NARS2: variants seen among roughly 807,000 people sequenced by gnomAD.
NARS2 encodes the protein asparaginyl-tRNA synthetase 2, mitochondrial.
NARS2 carries 60 observed loss-of-function variants against 62.9 expected under a neutral mutation model. The observed-to-expected ratio is 0.95, with a 90% CI of 0.77 to 1.18. The LOEUF is 1.18. Among genes scored for constraint, NARS2 ranks in the 50% most tolerant of loss-of-function variants. NARS2 has a pLI of 0.00. For synonymous variants in NARS2, 196 were observed against 200.0 expected, an observed-to-expected ratio of 0.98 and a Z score of 0.17; for missense variants, 619 against 576.4, an observed-to-expected ratio of 1.07 and a Z score of -0.76.
chr11:78,552,401 C>G (rs1016230908), intron 5 of NARS2, among the ~76,000 whole-genome samples: 1 of 152,090 alleles, frequency 6.6e-6, no homozygotes, highest in Admixed American at 6.5e-5. Flanking sequence ...CACTGATGGG[C>G]ACTTAGGTTG....
intron 9 of NARS2, among the ~76,000 whole-genome samples, chr11:78,478,123 G>A (rs1859183600): frequency 6.6e-6 from 1 of 152,040 alleles, no homozygotes; most frequent in African/African-American, 2.4e-5. Context: ...AAATTTTGAT[G>A]ACTAAAGTTA....
chr11:78,509,400 T>G (rs1452621454), intron 6 of NARS2, among the ~76,000 whole-genome samples: 1 of 152,036 alleles, frequency 6.6e-6, no homozygotes, highest in Non-Finnish European at 1.5e-5. Context: ...GAAATAAAGA[T>G]CTTAATCAAA....
chr11:78,499,465 G>T (rs915299776), intron 6 of NARS2, among the ~76,000 whole-genome samples: 1 of 152,082 alleles, frequency 6.6e-6, no homozygotes. Flanking sequence ...AGTGGGATGG[G>T]ATTAAGGGTA....
intron 11 of NARS2, among the ~76,000 whole-genome samples, chr11:78,460,896 T>C (rs916536697): frequency 6.6e-6 from 1 of 152,238 alleles, no homozygotes; most frequent in African/African-American, 2.4e-5. Flanking sequence ...GTAACTAACA[T>C]GTACAGATTT....
intron 7 of NARS2, among the ~76,000 whole-genome samples, chr11:78,485,914 G>A (rs562256500): frequency 7.2e-5 from 11 of 152,148 alleles, no homozygotes; most frequent in African/African-American, 2.4e-4. Context: ...TGCTCTTGTC[G>A]CCCAGGCTGG....
chr11:78,536,284 G>A (rs773038505), intron 5 of NARS2, among the ~76,000 whole-genome samples: 3 of 152,092 alleles, frequency 2.0e-5, no homozygotes, highest in Non-Finnish European at 4.4e-5. Flanking sequence ...CATTACTTTA[G>A]AGTGTACTCC....
At chr11:78,574,025 A>T in intron 1 of NARS2, among the ~76,000 whole-genome samples, 1 of 152,360 alleles carries the variant, frequency 6.6e-6, no homozygotes, top group South Asian at 2.1e-4. Flanking sequence ...AGGTCAAGAC[A>T]ACCACTTTAT....
chr11:78,525,332 AT>A (rs1261432240), intron 6 of NARS2, among the ~76,000 whole-genome samples: 1 of 152,154 alleles, frequency 6.6e-6, no homozygotes, highest in Non-Finnish European at 1.5e-5. Flanking sequence ...TATAAAAAAA[AT>A]AAAAACAAAT....
chr11:78,555,910 T>C (rs1232888177), intron 5 of NARS2, among the ~76,000 whole-genome samples: 3 of 152,222 alleles, frequency 2.0e-5, no homozygotes, highest in African/African-American at 7.2e-5. Flanking sequence ...AAAAAACTTT[T>C]TGATGTCTGT....
At chr11:78,484,694 A>T (rs978387440) in intron 7 of NARS2, among the ~76,000 whole-genome samples, 2 of 152,252 alleles carry the variant, frequency 1.3e-5, no homozygotes, top group African/African-American at 4.8e-5. Context: ...ATACCATCTT[A>T]TATCAGTTAG....
At position 78,443,687 on chromosome 11, in the gene NARS2, G is replaced by C. The variant is rs368911815; in HGVS notation, c.1236C>G (p.Tyr412Ter). 1.7e-5 allele frequency: 28 copies of C among 1,612,918 alleles called. No individual in the cohort carries two copies. The highest frequency in any genetic ancestry group is 2.4e-5 in the Non-Finnish European group (28 of 1,179,222). Residue 412 changes from tyrosine (Y) to a stop codon, truncating the protein, a stop_gained, in exon 12 of 14, where the codon TAC becomes TAG. Coordinates refer to ENST00000281038, the MANE Select transcript of NARS2 (RefSeq NM_024678.6). LOFTEE classifies it high-confidence loss of function. ...TGGCTAAGCGCTCCTCTAAGAAATGGTATCGTTCTTCTCTGAGGCCTCCTC... is the reference window on the plus strand; with the variant it reads ...TGGCTAAGCGCTCCTCTAAGAAATGCTATCGTTCTTCTCTGAGGCCTCCTC... ...LFGGGLREER[Y>*]HFLEERLARS...
chr11:78,535,699 A>G (rs1479452959), intron 5 of NARS2, among the ~76,000 whole-genome samples: 1 of 151,628 alleles, frequency 6.6e-6, no homozygotes, highest in African/African-American at 2.4e-5. Flanking sequence ...GCACGATCTC[A>G]GCTCACCACA....
chr11:78,441,885 T>TAATAA (rs1290296398), intron 12 of NARS2, among the ~76,000 whole-genome samples: 2 of 152,186 alleles, frequency 1.3e-5, no homozygotes, highest in East Asian at 3.8e-4. Flanking sequence ...TGAGAACTAT[T>TAATAA]AATAAAATTT....
chr11:78,554,500 C>CGTGTGTGTGT (rs569858075), intron 5 of NARS2, among the ~76,000 whole-genome samples: 11 of 42,498 alleles, frequency 2.6e-4, no homozygotes, highest in Non-Finnish European at 8.9e-4. Context: ...TATTCCTAGG[C>CGTGTGTGTGT]GTGTGTGCGT....
At chr11:78,536,466 T>A (rs1590827971) in intron 5 of NARS2, among the ~76,000 whole-genome samples, 1 of 152,202 alleles carries the variant, frequency 6.6e-6, no homozygotes. Flanking sequence ...ATTCCACCTC[T>A]GTATTAATGA....
chr11:78,492,328 G>T (rs1024961317), intron 7 of NARS2, among the ~76,000 whole-genome samples: 1 of 152,070 alleles, frequency 6.6e-6, no homozygotes, highest in African/African-American at 2.4e-5. Flanking sequence ...GCACTGTCTG[G>T]ATTATGTCTA....
At chr11:78,464,470 G>T (rs1022954295) in intron 11 of NARS2, among the ~76,000 whole-genome samples, 3 of 152,102 alleles carry the variant, frequency 2.0e-5, no homozygotes, top group Non-Finnish European at 4.4e-5. Flanking sequence ...GCGCTGATTG[G>T]TACATTTACA....
intron 6 of NARS2, among the ~76,000 whole-genome samples, chr11:78,526,677 A>G (rs1035000820): frequency 6.6e-6 from 1 of 152,306 alleles, no homozygotes; most frequent in South Asian, 2.1e-4. Flanking sequence ...CAAGTTTCAC[A>G]GAACACTGTG....
chr11:78,459,176 A>T (rs1259724882), intron 11 of NARS2, among the ~76,000 whole-genome samples: 2 of 150,548 alleles, frequency 1.3e-5, no homozygotes, highest in Non-Finnish European at 2.9e-5. Flanking sequence ...TGACCTCCCA[A>T]AGTGCTGGGA....
Sources: allele counts gnomAD v4.1 joint callset (sites outside exome capture counted in the v4.1 genomes callset), GRCh38; gene constraint gnomAD v4.1.1; transcripts MANE v1.5; gene names NCBI Gene and HGNC (gene_info 2026-07-23, HGNC 2026-07-21).